The following ASXL1 variants were observed in gnomAD, a reference collection of about 807,000 sequenced individuals.
ASXL1 encodes ASXL transcriptional regulator 1, also known as polycomb group protein ASXL1.
Under a neutral mutation model 89.1 loss-of-function variants are expected in ASXL1, and 65 were observed. That is an observed-to-expected ratio of 0.73 (90% CI 0.60 to 0.90). ASXL1 has a LOEUF of 0.90. Ranked by LOEUF, ASXL1 falls within the 40% of genes least tolerant of loss-of-function variation. The probability of loss-of-function intolerance (pLI) is 0.00; values close to 1 mark genes in which losing one functional copy is unlikely to be tolerated. For synonymous variants in ASXL1, 739 were observed against 746.9 expected, an observed-to-expected ratio of 0.99 and a Z score of 0.17; for missense variants, 1,786 against 1,942.9, an observed-to-expected ratio of 0.92 and a Z score of 1.52.
intron 4 of ASXL1, among the ~76,000 whole-genome samples, chr20:32,422,580 ATTTTTT>A (rs11167168): frequency 9.3e-6 from 1 of 108,048 alleles, no homozygotes; most frequent in African/African-American, 3.8e-5. Context: ...GGATTGGTTA[ATTTTTT>A]TTTTTTTTTT....
chr20:32,432,942 G>C lies in ASXL1; in HGVS notation c.1042G>C (p.Glu348Gln), dbSNP rs368107684. The C allele has an allele frequency of 6.2e-5, 100 of 1,613,894 alleles. No individual in the cohort carries two copies. The highest frequency in any genetic ancestry group is 8.1e-5 in the Non-Finnish European group (96 of 1,180,012). The change falls in exon 11 of 13, where the codon GAA becomes CAA. Residue 348 changes from glutamate (E) to glutamine (Q), a missense_variant. Glu to Gln is a conservative substitution (Grantham distance 29, BLOSUM62 2). Transcript: ENST00000375687. ...RQEMEKEKKV[E>Q]QWKEKFFEDY... ...GGAAATGGAGAAGGAAAAGAAGGTGGAACAATGGAAAGAAAAGTTCTTTGA... is the reference window on the plus strand; with the variant it reads ...GGAAATGGAGAAGGAAAAGAAGGTGCAACAATGGAAAGAAAAGTTCTTTGA...
intron 4 of ASXL1, among the ~76,000 whole-genome samples, chr20:32,411,259 G>A (rs1474668051): frequency 4.7e-5 from 5 of 107,524 alleles, no homozygotes; most frequent in African/African-American, 6.9e-5. Context: ...AGTCTCATGC[G>A]CTCTGTCACC....
chr20:32,419,078 G>A (rs985531803), intron 4 of ASXL1, among the ~76,000 whole-genome samples: 4 of 151,866 alleles, frequency 2.6e-5, no homozygotes, highest in Non-Finnish European at 5.9e-5. Flanking sequence ...TGATCTGCCC[G>A]CCTTAGCCTC....
chr20:32,367,842 T>A (rs2048232167), intron 3 of ASXL1, 113 bp downstream of exon 3: 5 of 756,212 alleles, frequency 6.6e-6, no homozygotes, highest in Non-Finnish European at 7.3e-6. Context: ...TGAGCAGCTC[T>A]GTAATTTGTA....
chr20:32,364,725 A>G (rs902507705), intron 1 of ASXL1, among the ~76,000 whole-genome samples: 1 of 152,198 alleles, frequency 6.6e-6, no homozygotes, highest in Non-Finnish European at 1.5e-5. Flanking sequence ...GCTGAAAGTG[A>G]TGAGGGCAGG....
chr20:32,432,923 G>A lies in ASXL1; in HGVS notation c.1023G>A (p.Met341Ile). The change falls in exon 11 of 13, where the codon ATG becomes ATA. Residue 341 changes from methionine (M) to isoleucine (I), a missense_variant. This residue lies in a region of ASXL1 where 332 missense variants were observed against 449.7 expected (regional missense o/e 0.74). Coordinates refer to ENST00000375687, the MANE Select transcript of ASXL1 (RefSeq NM_015338.6). ...HEMQVRIRQE[M>I]EKEKKVEQWK... ...TGCAAGTCAGGATACGACAGGAAAT[G>A]GAGAAGGAAAAGAAGGTGGAACAAT... 1 of 1,613,972 alleles carries A rather than the reference G, an allele frequency of 6.2e-7. No individual in the cohort carries two copies. Among genetic ancestry groups the A allele is most frequent in the Non-Finnish European group, 8.5e-7 (1 of 1,179,978 alleles).
Position 32,429,483 on chromosome 20 carries a change from G to GA in ASXL1, c.565+52_565+53insA. 6.4e-6 allele frequency: 10 copies of GA among 1,563,340 alleles called. No individual in the cohort carries two copies. The highest frequency in any genetic ancestry group is 7.9e-6 in the Non-Finnish European group (9 of 1,134,410). ...CTTTTTCCTCAGGTCCTGGGGACCT[G>GA]GCCTCCCTCTGTCAGCAGTTTCTGA... On this transcript the variant is annotated intron_variant, in intron 7 of 12. Coordinates refer to ENST00000375687, the MANE Select transcript of ASXL1 (RefSeq NM_015338.6). The surrounding 1 kb of genome is among the most constrained non-coding windows in gnomAD (Gnocchi z 4.9).
In ASXL1 at chr20:32,431,641, C is replaced by G. The variant is rs2123238620; in HGVS notation, c.941C>G (p.Thr314Ser). 6.2e-7 allele frequency: 1 copy of G among 1,613,884 alleles called. No individual in the cohort carries two copies. The highest frequency in any genetic ancestry group is 8.5e-7 in the Non-Finnish European group (1 of 1,180,040). ...AGTGCACTAAATAACGAGTTTTTTA[C>G]CCATGCGGCTCAGAGCTGGCGGGAG... ...SSSALNNEFF[T>S]HAAQSWRERL... The change falls in exon 10 of 13, where the codon ACC (threonine) becomes AGC (serine). Residue 314 changes from threonine to serine, a missense_variant. This residue lies in a region of ASXL1 where 332 missense variants were observed against 449.7 expected (regional missense o/e 0.74). Transcript: ENST00000375687.
chr20:32,362,856 T>G (rs2048143570), intron 1 of ASXL1, among the ~76,000 whole-genome samples: 1 of 152,226 alleles, frequency 6.6e-6, no homozygotes, highest in South Asian at 2.1e-4. Context: ...ATCCTCCAAC[T>G]TGTTATAAAC....
chr20:32,412,759 A>G (rs1478747902), intron 4 of ASXL1, among the ~76,000 whole-genome samples: 5 of 148,260 alleles, frequency 3.4e-5, no homozygotes, highest in East Asian at 2.0e-4. Flanking sequence ...GGGTCTCACT[A>G]TGTTGCCTAG....
rs2011463527 is a variant in ASXL1, at chr20:32,429,814, C to T, written c.566-87C>T. On this transcript the variant is annotated intron_variant, in intron 7 of 12. Transcript: ENST00000375687. This position sits in a 1 kb window ranked among gnomAD's most constrained non-coding sequence, Gnocchi z 4.9. Reference sequence around the variant, plus strand: ...CATCCCAGTATTGCTGGCAGCATCTCAGGGAGAGCTGGGAGAAATGAGCTT... The same window carrying T: ...CATCCCAGTATTGCTGGCAGCATCTTAGGGAGAGCTGGGAGAAATGAGCTT... 6.5e-7 allele frequency: 1 copy of T among 1,535,078 alleles called. No individual in the cohort carries two copies. Among genetic ancestry groups the T allele is most frequent in the Non-Finnish European group, 8.8e-7 (1 of 1,134,094 alleles).
chr20:32,392,037 G>A (rs1017237850), intron 4 of ASXL1, among the ~76,000 whole-genome samples: 1 of 150,288 alleles, frequency 6.7e-6, no homozygotes, highest in East Asian at 2.0e-4. Flanking sequence ...TTCCTAATGT[G>A]TCTTTTACTT....
In ASXL1 at chr20:32,436,659, G is replaced by A. The variant is rs369419785; in HGVS notation, c.3947G>A (p.Arg1316His). The A allele has an allele frequency of 7.9e-5, 128 of 1,613,904 alleles. No homozygotes were observed. The highest frequency in any genetic ancestry group is 2.0e-4 in the Admixed American group (12 of 59,996). ...GGGAATGTGGCTGCAACCCTTCAGC[G>A]CCCCAGGCCTGCGGACCCGATGCCT... ...GSGNVAATLQ[R>H]PRPADPMPLP... The change falls in exon 13 of 13, where the codon CGC becomes CAC. Residue 1316 changes from arginine (R) to histidine (H), a missense_variant. By Grantham distance (29) the Arg-to-His change is conservative. Coordinates refer to ENST00000375687, the MANE Select transcript of ASXL1 (RefSeq NM_015338.6).
chr20:32,362,989 C>T (rs372321484), intron 1 of ASXL1, among the ~76,000 whole-genome samples: 6 of 152,052 alleles, frequency 3.9e-5, no homozygotes, highest in African/African-American at 1.4e-4. Flanking sequence ...TCATGACTGA[C>T]CAGTTCTTAC....
At chr20:32,419,597 G>A (rs927843479) in intron 4 of ASXL1, among the ~76,000 whole-genome samples, 7 of 150,906 alleles carry the variant, frequency 4.6e-5, no homozygotes, top group African/African-American at 1.2e-4. Flanking sequence ...GGTAACTTAC[G>A]TTCGTTTTTG....
intron 4 of ASXL1, among the ~76,000 whole-genome samples, chr20:32,418,702 C>A (rs2049181472): frequency 6.6e-6 from 1 of 151,134 alleles, no homozygotes; most frequent in African/African-American, 2.4e-5. Flanking sequence ...AGTATCTTGG[C>A]TCTTTGTGAC....
intron 4 of ASXL1, among the ~76,000 whole-genome samples, chr20:32,417,155 ATG>A (rs1274256934): frequency 6.6e-6 from 1 of 152,138 alleles, no homozygotes; most frequent in African/African-American, 2.4e-5. Flanking sequence ...TTAAAAATTA[ATG>A]TGTTTGATTA....
chr20:32,433,753 C>T lies in ASXL1; in HGVS notation c.1555C>T (p.Pro519Ser), dbSNP rs1569325857. 1.2e-6 allele frequency: 2 copies of T among 1,614,178 alleles called. No individual in the cohort carries two copies. The highest frequency in any genetic ancestry group is 1.7e-6 in the Non-Finnish European group (2 of 1,179,998). The change falls in exon 12 of 13, where the codon CCC becomes TCC. Residue 519 changes from proline to serine, a missense_variant. Physicochemically the swap from Pro to Ser is moderately conservative, Grantham distance 74 (BLOSUM62 -1). Coordinates refer to ENST00000375687, the MANE Select transcript of ASXL1 (RefSeq NM_015338.6). ...GCCTCAGGAAACTGTGGATCAGGAA[C>T]CCAAGGATCAGAAGAGGAAATCCTT... ...SLPQETVDQE[P>S]KDQKRKSFEQ...
At chr20:32,406,798 T>A (rs1198548823) in intron 4 of ASXL1, among the ~76,000 whole-genome samples, 1 of 152,126 alleles carries the variant, frequency 6.6e-6, no homozygotes, top group African/African-American at 2.4e-5. Context: ...ATTCCCTGTT[T>A]GGGCATTTCA....
Sources: gnomAD v4.1 joint callset for allele counts (sites outside exome capture counted in the v4.1 genomes callset) on GRCh38, gnomAD v4.1.1 for gene constraint, gnomAD v4.1.1 regional missense constraint, Gnocchi (gnomAD v3.1) non-coding constraint, MANE v1.5 for transcripts, NCBI Gene and HGNC (gene_info 2026-07-23, HGNC 2026-07-21) for gene names.